Variants in PRKG1 observed in about 807,000 individuals in gnomAD.
The protein encoded by PRKG1 is protein kinase cGMP-dependent 1, also known as cGMP-dependent protein kinase 1.
In PRKG1, 35 loss-of-function variants were observed where a neutral mutation model predicts 88.1. The ratio of observed to expected loss-of-function variants is 0.40; its 90% CI spans 0.30 to 0.53. The LOEUF (loss-of-function observed/expected upper bound fraction) is 0.53. Ranked by LOEUF, PRKG1 falls within the 20% of genes least tolerant of loss-of-function variation. The pLI, the probability that PRKG1 is intolerant of heterozygous loss-of-function variation, is 0.59. For synonymous variants in PRKG1, 303 were observed against 292.5 expected (o/e 1.04, Z -0.37); for missense variants, 540 against 839.8 (o/e 0.64, Z 4.41).
intron 9 of PRKG1, among the ~76,000 whole-genome samples, chr10:52,245,253 C>T (rs1226079791): frequency 6.6e-6 from 1 of 151,988 alleles, no homozygotes; most frequent in Non-Finnish European, 1.5e-5. Context: ...TTACAGATTG[C>T]AGTGCTCTTT....
intron 8 of PRKG1, among the ~76,000 whole-genome samples, chr10:52,158,087 T>C (rs535807177): frequency 6.6e-6 from 1 of 151,912 alleles, no homozygotes; most frequent in East Asian, 1.9e-4. Context: ...GTCTTTAATT[T>C]CTTCCGAAAT....
At chr10:52,126,355 G>A (rs1433001335) in intron 7 of PRKG1, among the ~76,000 whole-genome samples, 1 of 151,896 alleles carries the variant, frequency 6.6e-6, no homozygotes, top group Non-Finnish European at 1.5e-5. Flanking sequence ...TAATAAAGGT[G>A]GATTTTCTAA....
intron 2 of PRKG1, among the ~76,000 whole-genome samples, chr10:51,267,455 C>T (rs1028385308): frequency 6.6e-6 from 1 of 152,106 alleles, no homozygotes; most frequent in Non-Finnish European, 1.5e-5. Context: ...AATATTTCTG[C>T]AAAATATATC....
intron 2 of PRKG1, among the ~76,000 whole-genome samples, chr10:51,424,715 A>C (rs74132010): frequency 0.041 from 6,246 of 152,190 alleles, 149 homozygotes; most frequent in African/African-American, 0.057. Flanking sequence ...AAATTGATCT[A>C]TCTTAGTGTT....
intron 3 of PRKG1, among the ~76,000 whole-genome samples, chr10:51,736,129 C>T (rs12268668): frequency 0.053 from 8,026 of 151,392 alleles, 704 homozygotes; most frequent in African/African-American, 0.18. Flanking sequence ...TGGGCTCGAA[C>T]GATCCACCTG....
chr10:51,889,820 AT>A (rs1291652642), intron 4 of PRKG1, among the ~76,000 whole-genome samples: 1 of 152,018 alleles, frequency 6.6e-6, no homozygotes, highest in East Asian at 1.9e-4. Context: ...GATGATGAGC[AT>A]TTTTTCATGT....
chr10:51,967,462 C>T (rs887637425), intron 5 of PRKG1, among the ~76,000 whole-genome samples: 10 of 151,672 alleles, frequency 6.6e-5, no homozygotes, highest in Non-Finnish European at 8.8e-5. Flanking sequence ...CTAATGTATA[C>T]GACGTGTTAA....
At chr10:51,690,694 G>A (rs1002155956) in intron 3 of PRKG1, among the ~76,000 whole-genome samples, 1 of 151,998 alleles carries the variant, frequency 6.6e-6, no homozygotes, top group African/African-American at 2.4e-5. Context: ...TTGGGAGGCC[G>A]AGGAGGGTGG....
rs1394011919 is a variant in PRKG1, at chr10:52,188,226, ATATG to A, written c.1076+26267_1076+26270del. Among the ~76,000 whole-genome samples, 6 of 23,924 alleles carry A rather than the reference ATATG, an allele frequency of 2.5e-4. No individual in the cohort carries two copies. The East Asian group carries it at 4.3e-3, about 17-fold the overall frequency. 15.7% of individuals were successfully genotyped at this position (23,924 alleles called of 152,430 possible). A position where few individuals can be genotyped will look rare whatever the true frequency, so the allele number is the denominator to read the frequency against. Reference sequence around the variant, plus strand: ...TATATATATATGTGTATATATATACATATGTATATATATACATATATATGTGTAT... The same window carrying A: ...TATATATATATGTGTATATATATACATATATATATACATATATATGTGTAT... On this transcript the variant is annotated intron_variant, in intron 9 of 17. Coordinates refer to ENST00000373980, the MANE Select transcript of PRKG1 (RefSeq NM_006258.4).
At chr10:51,017,596 A>G (rs1269984946) in intron 1 of PRKG1, among the ~76,000 whole-genome samples, 1 of 152,138 alleles carries the variant, frequency 6.6e-6, no homozygotes, top group Non-Finnish European at 1.5e-5. Flanking sequence ...CTTCTAGTCC[A>G]ATAGACACTT....
intron 2 of PRKG1, among the ~76,000 whole-genome samples, chr10:51,267,664 A>G (rs943284172): frequency 6.6e-6 from 1 of 152,170 alleles, no homozygotes; most frequent in East Asian, 1.9e-4. Context: ...TCAACTCAAG[A>G]TGGTTCAAAG....
chr10:51,811,041 T>G, intron 4 of PRKG1, among the ~76,000 whole-genome samples: 1 of 152,148 alleles, frequency 6.6e-6, no homozygotes, highest in East Asian at 1.9e-4. Flanking sequence ...CTGAAGCAAC[T>G]AAGTCTCAAA....
intron 5 of PRKG1, among the ~76,000 whole-genome samples, chr10:51,948,558 G>T (rs1843111710): frequency 2.0e-5 from 3 of 148,200 alleles, no homozygotes; most frequent in Middle Eastern, 6.8e-3. Context: ...GCGTGTGTGT[G>T]TGTGTAATTT....
chr10:51,426,145 T>G (rs1004287106), intron 2 of PRKG1, among the ~76,000 whole-genome samples: 2 of 152,016 alleles, frequency 1.3e-5, no homozygotes, highest in Non-Finnish European at 2.9e-5. Flanking sequence ...GATGTGGTGA[T>G]GCGCACCCAC....
intron 1 of PRKG1, among the ~76,000 whole-genome samples, chr10:51,139,963 A>C (rs1779707083): frequency 6.6e-6 from 1 of 152,224 alleles, no homozygotes; most frequent in Non-Finnish European, 1.5e-5. Context: ...TGTCTAAAAC[A>C]GACTCTGCTT....
At chr10:52,260,519 A>C (rs1208572640) in intron 10 of PRKG1, among the ~76,000 whole-genome samples, 1 of 152,174 alleles carries the variant, frequency 6.6e-6, no homozygotes, top group African/African-American at 2.4e-5. Context: ...TGAAATATAA[A>C]TATTCAACTT....
intron 3 of PRKG1, among the ~76,000 whole-genome samples, chr10:51,555,832 T>C (rs1290080466): frequency 6.6e-6 from 1 of 151,932 alleles, no homozygotes; most frequent in Non-Finnish European, 1.5e-5. Context: ...TCTTCATCTG[T>C]ATGATGGATG....
chr10:51,761,105 C>T (rs1324241145), intron 3 of PRKG1, among the ~76,000 whole-genome samples: 1 of 152,202 alleles, frequency 6.6e-6, no homozygotes, highest in African/African-American at 2.4e-5. Flanking sequence ...TAGGGCGAGA[C>T]TGGGTCTCAA....
At chr10:51,180,937 G>C (rs191790194) in intron 2 of PRKG1, among the ~76,000 whole-genome samples, 21 of 152,122 alleles carry the variant, frequency 1.4e-4, no homozygotes, top group African/African-American at 5.1e-4. Context: ...ACTCTTTAGG[G>C]CTCTGATCTC....
Sources: allele counts gnomAD v4.1 joint callset (sites outside exome capture counted in the v4.1 genomes callset), GRCh38; gene constraint gnomAD v4.1.1; transcripts MANE v1.5; gene names NCBI Gene and HGNC (gene_info 2026-07-23, HGNC 2026-07-21).